Variants in RABGEF1 observed in about 807,000 individuals in gnomAD.
The protein encoded by RABGEF1 is rab5 GDP/GTP exchange factor.
In RABGEF1, 26 loss-of-function variants were observed where a neutral mutation model predicts 57.3. That is an observed-to-expected ratio of 0.45 (90% CI 0.33 to 0.63). RABGEF1 has a LOEUF of 0.63. RABGEF1 is among the 20% of genes least tolerant of loss of function. The pLI, the probability that RABGEF1 is intolerant of heterozygous loss-of-function variation, is 0.02. For missense variants in RABGEF1, 464 were observed against 607.6 expected (o/e 0.76, Z 2.48); for synonymous variants, 185 against 210.7 (o/e 0.88, Z 1.06).
At chr7:66,700,180 T>A (rs76678495) in intron 1 of RABGEF1, among the ~76,000 whole-genome samples, 15,784 of 152,256 alleles carry the variant, frequency 0.1, 898 homozygotes, top group Non-Finnish European at 0.11. Flanking sequence ...TGGTTCATTC[T>A]GGATCCAAGC....
chr7:66,704,928 A>T (rs1367451563), intron 1 of RABGEF1, among the ~76,000 whole-genome samples: 1 of 152,194 alleles, frequency 6.6e-6, no homozygotes, highest in Admixed American at 6.5e-5. Context: ...TTTTTTAAGA[A>T]ACCACCAAAC....
the RABGEF1 span, chr7:66,669,875 A>T: frequency 6.6e-6 from 1 of 151,028 alleles, no homozygotes; most frequent in South Asian, 2.1e-4. Flanking sequence ...CACCACCAAG[A>T]CTCTTCAATT....
rs61758774 is a variant in RABGEF1 at position 66,809,197 on chromosome 7, G to A, written c.1389G>A (p.Pro463=). ...AATACCCACTGGAAATTAAGCCTCC[G>A]AATCAACCGTTAGCAGCTATTGACT... ...VEKYPLEIKP[P]NQPLAAIDSE... Residue 463 remains proline, a synonymous_variant, in exon 9 of 9, where the codon CCG becomes CCA. Transcript: ENST00000284957. The A allele has an allele frequency of 8.8e-3, 14,234 of 1,614,114 alleles. 74 individuals carry two copies. Among genetic ancestry groups the A allele is most frequent in the Non-Finnish European group, 0.01 (11,820 of 1,180,018 alleles).
At chr7:66,755,184 C>T (rs1802416842) in intron 1 of RABGEF1, among the ~76,000 whole-genome samples, 1 of 152,190 alleles carries the variant, frequency 6.6e-6, no homozygotes, top group African/African-American at 2.4e-5. Flanking sequence ...GTCCCAGCTC[C>T]TCTGGAGGCT....
chr7:66,675,555 T>G, the RABGEF1 span, among the ~76,000 whole-genome samples: 1 of 152,272 alleles, frequency 6.6e-6, no homozygotes, highest in East Asian at 1.9e-4. Context: ...TTGTGCCAAT[T>G]TTATTCAACA....
At chr7:66,738,122 G>A (rs1422493858), upstream of RABGEF1, among the ~76,000 whole-genome samples, 1 of 150,644 alleles carries the variant, frequency 6.6e-6, no homozygotes, top group African/African-American at 2.4e-5. Context: ...CCAGGCTCAT[G>A]TGATCCTATC....
In RABGEF1 at chr7:66,693,834, G is replaced by T. The variant is rs529871790; in HGVS notation, c.-873+11576G>T. Among the ~76,000 whole-genome samples, 404 of 150,622 alleles carry T rather than the reference G, an allele frequency of 2.7e-3. 2 individuals are homozygous for T. The highest frequency in any genetic ancestry group is 4.4e-3 in the Non-Finnish European group (297 of 67,670). ...TTCTTTTTTTTTTTTTTGAGACAGG[G>T]TCTCACTCTGTCACCCAGGCTGGAG... On this transcript the variant is annotated intron_variant and NMD_transcript_variant, in intron 1 of 9. Coordinates refer to the RABGEF1 transcript ENST00000607882.
the RABGEF1 span, among the ~76,000 whole-genome samples, chr7:66,656,677 G>C: frequency 6.6e-6 from 1 of 151,916 alleles, no homozygotes; most frequent in African/African-American, 2.4e-5. Context: ...AAAATTAGCC[G>C]GCTGTGATGG....
chr7:66,707,075 G>A (rs1010449901), intron 1 of RABGEF1, among the ~76,000 whole-genome samples: 5 of 152,108 alleles, frequency 3.3e-5, no homozygotes, highest in Admixed American at 1.3e-4. Flanking sequence ...GTGAGCCACC[G>A]CGCCCGGCCC....
At chr7:66,738,903 T>C (rs1798385331), upstream of RABGEF1, among the ~76,000 whole-genome samples, 2 of 152,146 alleles carry the variant, frequency 1.3e-5, no homozygotes, top group Non-Finnish European at 2.9e-5. Context: ...TAAATAATTA[T>C]TGTTTATTCC....
chr7:66,697,582 C>G (rs1792540292), intron 1 of RABGEF1, among the ~76,000 whole-genome samples: 1 of 152,130 alleles, frequency 6.6e-6, no homozygotes, highest in African/African-American at 2.4e-5. Flanking sequence ...ATGATTCATG[C>G]CCTTCCAGCA....
chr7:66,745,578 A>G (rs1270976994), intron 1 of RABGEF1, among the ~76,000 whole-genome samples: 4 of 152,040 alleles, frequency 2.6e-5, no homozygotes, highest in Admixed American at 2.6e-4. Flanking sequence ...ACCAGCCTGG[A>G]TCAAGATGGC....
intron 1 of RABGEF1, among the ~76,000 whole-genome samples, chr7:66,697,768 G>A (rs897045008): frequency 1.3e-5 from 2 of 152,114 alleles, no homozygotes. Flanking sequence ...GCCAGGGAGG[G>A]AACATCACCC....
chr7:66,695,643 C>T (rs1680994416), intron 1 of RABGEF1, among the ~76,000 whole-genome samples: 1 of 151,618 alleles, frequency 6.6e-6, no homozygotes, highest in Admixed American at 6.6e-5. Flanking sequence ...TGGCTGGGCA[C>T]GGTGGCTCAC....
chr7:66,670,191 C>T, the RABGEF1 span, among the ~76,000 whole-genome samples: 8 of 152,150 alleles, frequency 5.3e-5, no homozygotes, highest in Non-Finnish European at 1.0e-4. Context: ...TTCACTGTCC[C>T]CTAGTTCTTT....
the RABGEF1 span, among the ~76,000 whole-genome samples, chr7:66,657,336 C>T: frequency 3.9e-5 from 6 of 152,120 alleles, no homozygotes; most frequent in African/African-American, 1.4e-4. Flanking sequence ...AAATCAGTAA[C>T]AAGGAAAACT....
intron 1 of RABGEF1, among the ~76,000 whole-genome samples, chr7:66,742,476 G>T (rs1799211004): frequency 6.6e-6 from 1 of 152,178 alleles, no homozygotes; most frequent in Non-Finnish European, 1.5e-5. Flanking sequence ...TGTTGGGTGT[G>T]GAGCCTGGAA....
chr7:66,747,144 G>T (rs1388676360), intron 1 of RABGEF1, among the ~76,000 whole-genome samples: 2 of 152,122 alleles, frequency 1.3e-5, no homozygotes, highest in Non-Finnish European at 2.9e-5. Context: ...CTTGGCAATG[G>T]TCATTAAGAG....
upstream of RABGEF1, among the ~76,000 whole-genome samples, chr7:66,738,015 T>TTTTTG (rs1798220692): frequency 2.3e-5 from 3 of 128,190 alleles, no homozygotes; most frequent in East Asian, 3.1e-4. Context: ...GTGTTTTTTG[T>TTTTTG]TTTTTTTGTT....
Sources: gnomAD v4.1 joint callset for allele counts (sites outside exome capture counted in the v4.1 genomes callset) on GRCh38, gnomAD v4.1.1 for gene constraint, MANE v1.5 for transcripts, NCBI Gene and HGNC (gene_info 2026-07-23, HGNC 2026-07-21) for gene names.